The following WWOX variants were observed in gnomAD, a reference collection of about 807,000 sequenced individuals.
WWOX encodes the protein WW domain containing oxidoreductase, also known as WW domain-containing oxidoreductase.
WWOX carries 69 observed loss-of-function variants against 46.2 expected under a neutral mutation model. That is an observed-to-expected ratio of 1.49 (90% CI 1.23 to 1.82). WWOX has a LOEUF of 1.82. Ranked by LOEUF, WWOX falls within the 40% of genes most tolerant of loss-of-function variation. The probability of loss-of-function intolerance (pLI) is 0.00; values close to 1 mark genes in which losing one functional copy is unlikely to be tolerated. For missense variants in WWOX, 919 were observed against 542.6 expected (o/e 1.69, Z -6.89); for synonymous variants, 359 against 202.6 (o/e 1.77, Z -6.56).
At chr16:78,563,618 C>G (rs2044493359) in intron 8 of WWOX, among the ~76,000 whole-genome samples, 1 of 151,658 alleles carries the variant, frequency 6.6e-6, no homozygotes, top group Admixed American at 6.6e-5. Context: ...CTCTTCCACC[C>G]TGCTGCCTTT....
rs181857820 is a variant in WWOX, at chr16:78,133,715, C to A, written c.409+18561C>A. ...CTGGCCTGAAATAATTTCAAATTAA[C>A]CCCTGAGGAACAAATGCTCATGACT... On this transcript the variant is annotated intron_variant, in intron 4 of 8. Coordinates refer to ENST00000566780, the MANE Select transcript of WWOX (RefSeq NM_016373.4). Among the ~76,000 whole-genome samples the A allele has an allele frequency of 3.6e-3, 543 of 152,244 alleles. 5 individuals are homozygous for A. The highest frequency in any genetic ancestry group is 0.012 in the African/African-American group (514 of 41,534).
chr16:79,171,983 C>T (rs932482728), intron 8 of WWOX, among the ~76,000 whole-genome samples: 7 of 152,152 alleles, frequency 4.6e-5, no homozygotes, highest in Non-Finnish European at 1.0e-4. Flanking sequence ...TGGCAGTTTG[C>T]CATGAGTCAG....
At chr16:79,178,065 C>T (rs1172423419) in intron 8 of WWOX, among the ~76,000 whole-genome samples, 6 of 152,098 alleles carry the variant, frequency 3.9e-5, no homozygotes, top group Non-Finnish European at 7.4e-5. Flanking sequence ...GGCACAAATC[C>T]ACTCTTGTGA....
intron 8 of WWOX, among the ~76,000 whole-genome samples, chr16:78,533,218 GA>G (rs2043667483): frequency 6.6e-6 from 1 of 152,102 alleles, no homozygotes; most frequent in Non-Finnish European, 1.5e-5. Context: ...ACGGAGAGGG[GA>G]CAGGAGGTGA....
At chr16:78,313,585 C>G (rs775790367) in intron 5 of WWOX, among the ~76,000 whole-genome samples, 8 of 152,178 alleles carry the variant, frequency 5.3e-5, no homozygotes, top group Non-Finnish European at 7.3e-5. Context: ...AGGCTGGCCT[C>G]AAACTCCTGA....
intron 5 of WWOX, among the ~76,000 whole-genome samples, chr16:78,195,363 G>A (rs1044117092): frequency 6.6e-6 from 1 of 152,076 alleles, no homozygotes; most frequent in African/African-American, 2.4e-5. Context: ...TTTCATCCCT[G>A]GGACCCAGCA....
intron 8 of WWOX, among the ~76,000 whole-genome samples, chr16:79,046,633 C>G (rs2048070687): frequency 6.6e-6 from 1 of 152,160 alleles, no homozygotes. Flanking sequence ...AGCTTTCTGT[C>G]TCACCAGGAG....
At position 78,941,344 on chromosome 16, in the gene WWOX, G is replaced by C. The variant is rs542906266; in HGVS notation, c.1057-270264G>C. ...CGCATGTTGATTATTTCTTCATTTT[G>C]TTTATCCAAGTTTCCCCGCCTTGGA... On this transcript the variant is annotated intron_variant, in intron 8 of 8. Coordinates refer to ENST00000566780, the MANE Select transcript of WWOX (RefSeq NM_016373.4). Among the ~76,000 whole-genome samples the C allele has an allele frequency of 7.8e-4, 119 of 152,104 alleles. 3 individuals carry two copies. Among genetic ancestry groups the C allele is most frequent in the Middle Eastern group, 3.4e-3 (1 of 294 alleles).
intron 8 of WWOX, among the ~76,000 whole-genome samples, chr16:79,209,333 G>A (rs1426179253): frequency 6.6e-6 from 1 of 152,206 alleles, no homozygotes; most frequent in African/African-American, 2.4e-5. Context: ...TAATGCAAGA[G>A]TGCAACGTGG....
At chr16:78,550,440 C>T (rs1237098411) in intron 8 of WWOX, among the ~76,000 whole-genome samples, 1 of 152,190 alleles carries the variant, frequency 6.6e-6, no homozygotes, top group Non-Finnish European at 1.5e-5. Flanking sequence ...TTTAGAAAAA[C>T]AGGTGGTAGA....
At chr16:79,190,549 A>G (rs887921521) in intron 8 of WWOX, among the ~76,000 whole-genome samples, 2 of 152,138 alleles carry the variant, frequency 1.3e-5, no homozygotes, top group East Asian at 1.9e-4. Flanking sequence ...CACGTTTCCA[A>G]CTTGGATTAA....
intron 8 of WWOX, among the ~76,000 whole-genome samples, chr16:78,591,970 C>T (rs553192363): frequency 2.0e-5 from 3 of 152,338 alleles, no homozygotes; most frequent in African/African-American, 7.2e-5. Flanking sequence ...AACAATGCGC[C>T]TATTGACTTC....
intron 8 of WWOX, among the ~76,000 whole-genome samples, chr16:78,457,969 C>G (rs1335553681): frequency 1.3e-5 from 2 of 149,476 alleles, no homozygotes; most frequent in African/African-American, 5.0e-5. Flanking sequence ...TCACAGCTAT[C>G]CAGAGGCTGA....
At chr16:78,230,777 G>A (rs999278522) in intron 5 of WWOX, among the ~76,000 whole-genome samples, 2 of 152,208 alleles carry the variant, frequency 1.3e-5, no homozygotes, top group African/African-American at 4.8e-5. Flanking sequence ...AAGCAGCTAG[G>A]AGTATAGACT....
intron 8 of WWOX, chr16:78,996,351 A>T: frequency 1.0e-6 from 1 of 981,806 alleles, no homozygotes; most frequent in Non-Finnish European, 1.2e-6. Context: ...ATGAAATAGA[A>T]AGAGTGTGAG....
intron 8 of WWOX, among the ~76,000 whole-genome samples, chr16:79,087,509 G>C (rs963671331): frequency 6.6e-6 from 1 of 152,068 alleles, no homozygotes; most frequent in African/African-American, 2.4e-5. Flanking sequence ...TCTTAACCCT[G>C]TGCTAGAACA....
chr16:78,651,061 A>G (rs2046955244), intron 8 of WWOX, among the ~76,000 whole-genome samples: 1 of 152,214 alleles, frequency 6.6e-6, no homozygotes, highest in Non-Finnish European at 1.5e-5. Flanking sequence ...GCCATTGCCC[A>G]TCTGTTCAAC....
At chr16:79,195,836 T>C (rs2051229093) in intron 8 of WWOX, among the ~76,000 whole-genome samples, 1 of 152,186 alleles carries the variant, frequency 6.6e-6, no homozygotes, top group South Asian at 2.1e-4. Context: ...TGCAAATGTG[T>C]GAGGAATTAT....
intron 8 of WWOX, among the ~76,000 whole-genome samples, chr16:78,790,284 G>A (rs936009183): frequency 2.6e-5 from 4 of 152,014 alleles, no homozygotes; most frequent in African/African-American, 7.3e-5. Flanking sequence ...ACAGGCGCAC[G>A]CCAGCACGCC....
Sources: gnomAD v4.1 joint callset for allele counts (sites outside exome capture counted in the v4.1 genomes callset) on GRCh38, gnomAD v4.1.1 for gene constraint, MANE v1.5 for transcripts, NCBI Gene and HGNC (gene_info 2026-07-23, HGNC 2026-07-21) for gene names.